The following MRPL21 variants were observed in gnomAD, a reference collection of about 807,000 sequenced individuals.
MRPL21 encodes the protein large ribosomal subunit protein bL21m.
A neutral mutation model predicts 27.3 loss-of-function variants in MRPL21; 20 were observed. The observed-to-expected ratio is 0.73, with a 90% confidence interval of 0.52 to 1.06. The LOEUF is 1.06. Ranked by LOEUF, MRPL21 falls within the 50% of genes least tolerant of loss-of-function variation. MRPL21 has a pLI of 0.00. For missense variants in MRPL21, 249 were observed against 251.4 expected (o/e 0.99, Z 0.06); for synonymous variants, 98 against 101.5 (o/e 0.97, Z 0.21).
chr11:68,898,917 A>C (rs1857869053), intron 2 of MRPL21, among the ~76,000 whole-genome samples: 1 of 152,200 alleles, frequency 6.6e-6, no homozygotes, highest in Admixed American at 6.5e-5. Flanking sequence ...TCACCTTAGT[A>C]GCTGGGATTA....
rs202206192 is a variant in MRPL21, at chr11:68,893,383, C to T, written c.449+20G>A. The T allele has an allele frequency of 1.9e-6, 3 of 1,614,192 alleles. No individual in the cohort carries two copies. In the East Asian group the frequency reaches 6.7e-5, roughly 36 times the overall value. On this transcript the variant is annotated intron_variant, in intron 5 of 6. Coordinates refer to ENST00000362034, the MANE Select transcript of MRPL21 (RefSeq NM_181514.2). ...CAGCCCTGGAGCCCCAGACAAAGCC[C>T]AGCACTTCACAGCCATTACCCGAGG...
chr11:68,899,024 G>A (rs941773516), intron 2 of MRPL21, among the ~76,000 whole-genome samples: 3 of 152,178 alleles, frequency 2.0e-5, no homozygotes, highest in African/African-American at 7.2e-5. Context: ...CTGGCCTCAA[G>A]TGATCCGCCC....
At chr11:68,891,637 C>T (rs1171754373) in intron 6 of MRPL21, 4 of 580,790 alleles carry the variant, frequency 6.9e-6, no homozygotes, top group Non-Finnish European at 1.2e-5. Context: ...TGCGCTGGCA[C>T]CTCACCTCTC....
In MRPL21 at chr11:68,903,731, G is replaced by A. The variant is rs769739650; in HGVS notation, c.80C>T (p.Pro27Leu). Residue 27 changes from proline to leucine, a missense_variant, in exon 1 of 7, where the codon CCC (proline) becomes CTC (leucine). Coordinates refer to ENST00000362034, the MANE Select transcript of MRPL21 (RefSeq NM_181514.2). ...CSHSILRPSG[P>L]GAASLWSASR... is the part of the protein sequence containing the mutation. The stretch of plus-strand genomic sequence containing the variant: ...CATATCCCAGGTCTCACCTGCTCCG[G>A]GCCCCGAAGGTCTCAGGATGCTGTG... The A allele has an allele frequency of 6.2e-7, 1 of 1,613,200 alleles. No homozygotes were observed. Among genetic ancestry groups the A allele is most frequent in the Non-Finnish European group, 8.5e-7 (1 of 1,180,036 alleles).
chr11:68,900,615 G>A lies in MRPL21; in HGVS notation c.89-10C>T. 5.0e-6 allele frequency: 8 copies of A among 1,610,388 alleles called. No homozygotes were observed. Among genetic ancestry groups the A allele is most frequent in the Non-Finnish European group, 6.8e-6 (8 of 1,176,608 alleles). ...GCAGACCAAAGGGAGGCTGAGGGAAGAAGAGAAACACAGATCATTACCATT... is the reference window on the plus strand; with the variant it reads ...GCAGACCAAAGGGAGGCTGAGGGAAAAAGAGAAACACAGATCATTACCATT... On this transcript the variant is annotated splice_polypyrimidine_tract_variant and intron_variant, in intron 1 of 6. Coordinates refer to ENST00000362034, the MANE Select transcript of MRPL21 (RefSeq NM_181514.2).
intron 2 of MRPL21, among the ~76,000 whole-genome samples, chr11:68,898,402 G>A (rs1594406692): frequency 2.6e-5 from 4 of 152,226 alleles, no homozygotes; most frequent in South Asian, 4.1e-4. Context: ...CAGCTCTCCC[G>A]CCTCCCTTGG....
At chr11:68,899,989 G>A (rs529572629) in intron 2 of MRPL21, among the ~76,000 whole-genome samples, 4 of 151,144 alleles carry the variant, frequency 2.6e-5, no homozygotes, top group Admixed American at 2.0e-4. Flanking sequence ...ACTGCACCCC[G>A]GGGGGGTCCC....
chr11:68,898,625 C>T (rs1026041892), intron 2 of MRPL21, among the ~76,000 whole-genome samples: 13 of 152,216 alleles, frequency 8.5e-5, no homozygotes, highest in Non-Finnish European at 1.5e-4. Flanking sequence ...AACAAGCACC[C>T]GCCTGAAAGG....
chr11:68,901,862 C>T (rs1481691485), intron 1 of MRPL21, among the ~76,000 whole-genome samples: 1 of 152,216 alleles, frequency 6.6e-6, no homozygotes, highest in Non-Finnish European at 1.5e-5. Flanking sequence ...ATGCCTGCTT[C>T]TCCCACACTC....
At chr11:68,894,905 A>G (rs557992698) in intron 4 of MRPL21, among the ~76,000 whole-genome samples, 1 of 152,346 alleles carries the variant, frequency 6.6e-6, no homozygotes, top group East Asian at 1.9e-4. Context: ...AAAACCATGT[A>G]ACTTATATTG....
At chr11:68,892,786 T>G (rs1594402442) in intron 6 of MRPL21, 104 bp downstream of exon 6, 2 of 1,549,384 alleles carry the variant, frequency 1.3e-6, no homozygotes, top group South Asian at 1.2e-5. Flanking sequence ...GAGACCTGCC[T>G]GGGCTTCCTG....
At position 68,893,469 on chromosome 11, in the gene MRPL21, C is replaced by A; in HGVS notation, c.397-14G>T. ...AACCAGCAGGACCTGAAAAATTCAACAGGTGTGTTTCATCAGTGGCTCATT... is the reference window on the plus strand; with the variant it reads ...AACCAGCAGGACCTGAAAAATTCAAAAGGTGTGTTTCATCAGTGGCTCATT... On this transcript the variant is annotated splice_polypyrimidine_tract_variant and intron_variant, in intron 4 of 6. Transcript: ENST00000362034. 6.2e-7 allele frequency: 1 copy of A among 1,614,220 alleles called. No homozygotes were observed. Among genetic ancestry groups the A allele is most frequent in the Non-Finnish European group, 8.5e-7 (1 of 1,180,036 alleles).
chr11:68,895,333 T>C (rs1857761505), intron 4 of MRPL21, among the ~76,000 whole-genome samples: 1 of 152,038 alleles, frequency 6.6e-6, no homozygotes, highest in Admixed American at 6.6e-5. Context: ...GAATCATAGC[T>C]GAAGGCTAGA....
intron 1 of MRPL21, among the ~76,000 whole-genome samples, chr11:68,903,479 A>G (rs1049036919): frequency 2.0e-5 from 3 of 151,930 alleles, no homozygotes; most frequent in Non-Finnish European, 4.4e-5. Context: ...TCTGAGCCTC[A>G]CTCTTCTCCC....
intron 4 of MRPL21, among the ~76,000 whole-genome samples, chr11:68,895,187 C>T (rs1333554992): frequency 6.6e-6 from 1 of 151,958 alleles, no homozygotes; most frequent in Non-Finnish European, 1.5e-5. Context: ...TCACTTGAAC[C>T]CGGAAGGCAG....
chr11:68,891,501 C>T (rs945651244), intron 6 of MRPL21, 106 bp from the exon 7 acceptor site: 72 of 1,050,664 alleles, frequency 6.9e-5, no homozygotes, highest in South Asian at 3.7e-4. Flanking sequence ...ACCCCGGCAA[C>T]GTCCCCTGCT....
At chr11:68,891,910 G>T in intron 6 of MRPL21, 5 of 505,754 alleles carry the variant, frequency 9.9e-6, no homozygotes, top group Non-Finnish European at 1.7e-5. Context: ...ATGCCCCGTG[G>T]GTGCCATCCC....
intron 4 of MRPL21, among the ~76,000 whole-genome samples, chr11:68,895,021 G>C (rs1173401806): frequency 6.6e-6 from 1 of 152,106 alleles, no homozygotes; most frequent in Non-Finnish European, 1.5e-5. Flanking sequence ...TCCCAACACT[G>C]TGGGAGGCCG....
chr11:68,900,466 A>T, intron 2 of MRPL21, 82 bp downstream of exon 2: 1 of 1,244,612 alleles, frequency 8.0e-7, no homozygotes, highest in Non-Finnish European at 1.2e-6. Flanking sequence ...TTGAGAACCA[A>T]AAGGTAGGAA....
Sources: allele counts gnomAD v4.1 joint callset (sites outside exome capture counted in the v4.1 genomes callset), GRCh38; gene constraint gnomAD v4.1.1; transcripts MANE v1.5; gene names NCBI Gene and HGNC (gene_info 2026-07-23, HGNC 2026-07-21).